The following ADAMTSL1 variants were observed in gnomAD, a reference collection of about 807,000 sequenced individuals.
ADAMTSL1 encodes the protein ADAMTS like 1.
ADAMTSL1 carries 126 observed loss-of-function variants against 201.8 expected under a neutral mutation model. The observed-to-expected ratio is 0.62, with a 90% CI of 0.54 to 0.72. ADAMTSL1 has a LOEUF of 0.72. Ranked by LOEUF, ADAMTSL1 falls within the 30% of genes least tolerant of loss-of-function variation. The pLI is 0.00. For synonymous variants in ADAMTSL1, 1,121 were observed against 903.4 expected (o/e 1.24, Z -4.32); for missense variants, 2,679 against 2,277.8 (o/e 1.18, Z -3.59).
At chr9:18,678,038 A>G (rs561120926) in intron 10 of ADAMTSL1, among the ~76,000 whole-genome samples, 1 of 152,078 alleles carries the variant, frequency 6.6e-6, no homozygotes, top group Non-Finnish European at 1.5e-5. Context: ...AAACACAATT[A>G]ACATATTTTT....
At chr9:18,681,698 G>GTGTGGGGA (rs66675938) in intron 11 of ADAMTSL1, 114 bp from the exon 12 acceptor site, 9 of 323,028 alleles carry the variant, frequency 2.8e-5, no homozygotes, top group Admixed American at 6.5e-5. Flanking sequence ...GTCCTCGTGT[G>GTGTGGGGA]GGGGGGGGGG....
intron 1 of ADAMTSL1, among the ~76,000 whole-genome samples, chr9:17,999,940 T>C (rs1204373554): frequency 1.5e-4 from 23 of 148,638 alleles, no homozygotes; most frequent in African/African-American, 5.6e-4. Flanking sequence ...GAACTCATCA[T>C]TTTTTATGGC....
In ADAMTSL1 at chr9:18,775,888, C is replaced by T; in HGVS notation, c.2543C>T (p.Thr848Ile). 1 of 1,593,772 alleles carries T rather than the reference C, an allele frequency of 6.3e-7. No homozygotes were observed. Among genetic ancestry groups the T allele is most frequent in the Non-Finnish European group, 8.6e-7 (1 of 1,169,280 alleles). The change falls in exon 18 of 29, where the codon ACC becomes ATC. Residue 848 changes from threonine to isoleucine, a missense_variant. By Grantham distance (89) the Thr-to-Ile change is moderately conservative. Transcript: ENST00000380548. ...SSSIRPCMLA[T>I]CARPGRPSTK... ...TCCATCAGGCCCTGTATGCTGGCAA[C>T]CTGTGCAAGTAAGTATGTCAGGGCT... is the stretch of plus-strand genomic sequence containing the variant.
chr9:18,263,517 G>A (rs1352009758), intron 2 of ADAMTSL1, among the ~76,000 whole-genome samples: 1 of 152,152 alleles, frequency 6.6e-6, no homozygotes, highest in Admixed American at 6.5e-5. Context: ...AACGCAGTCA[G>A]TTCAGCTCTC....
At chr9:18,785,837 G>A (rs1821678781) in intron 19 of ADAMTSL1, among the ~76,000 whole-genome samples, 1 of 152,212 alleles carries the variant, frequency 6.6e-6, no homozygotes, top group Non-Finnish European at 1.5e-5. Context: ...CTTCCTTGTA[G>A]AAGAGCCAGA....
At chr9:18,231,931 C>T (rs1830659649) in intron 2 of ADAMTSL1, among the ~76,000 whole-genome samples, 1 of 152,198 alleles carries the variant, frequency 6.6e-6, no homozygotes, top group Non-Finnish European at 1.5e-5. Context: ...GCCAACATCA[C>T]CTCTCCCAGG....
intron 15 of ADAMTSL1, among the ~76,000 whole-genome samples, chr9:18,743,448 G>C (rs1004210217): frequency 1.3e-5 from 2 of 152,166 alleles, no homozygotes; most frequent in Non-Finnish European, 2.9e-5. Flanking sequence ...TTTGACAAGA[G>C]TCATATGTAA....
At chr9:18,492,628 T>TA (rs904095981) in intron 1 of ADAMTSL1, among the ~76,000 whole-genome samples, 4 of 152,156 alleles carry the variant, frequency 2.6e-5, no homozygotes, top group African/African-American at 9.7e-5. Flanking sequence ...CACTTATATT[T>TA]AAAAAAATAA....
chr9:18,706,565 A>G, intron 13 of ADAMTSL1, 182 bp from the exon 14 acceptor site: 1 of 604,190 alleles, frequency 1.7e-6, no homozygotes, highest in East Asian at 2.8e-5. Context: ...CAACCCAGAA[A>G]CAGTGGCAAA....
chr9:18,365,286 G>A (rs1434264346), intron 2 of ADAMTSL1, among the ~76,000 whole-genome samples: 1 of 151,984 alleles, frequency 6.6e-6, no homozygotes, highest in Non-Finnish European at 1.5e-5. Flanking sequence ...AAACATCCAG[G>A]AATAAAAGGG....
chr9:18,512,159 C>G (rs904563690), intron 2 of ADAMTSL1, among the ~76,000 whole-genome samples: 1 of 152,098 alleles, frequency 6.6e-6, no homozygotes, highest in African/African-American at 2.4e-5. Flanking sequence ...AGTTGCCTTC[C>G]TTTTACTTTT....
intron 2 of ADAMTSL1, among the ~76,000 whole-genome samples, chr9:18,350,825 C>T (rs1835934383): frequency 6.6e-6 from 1 of 152,076 alleles, no homozygotes; most frequent in African/African-American, 2.4e-5. Context: ...ATGGAATTGG[C>T]AGGAAAACTT....
At chr9:18,377,126 G>A (rs895416167) in intron 2 of ADAMTSL1, among the ~76,000 whole-genome samples, 2 of 152,120 alleles carry the variant, frequency 1.3e-5, no homozygotes, top group African/African-American at 4.8e-5. Context: ...TTGAGACAAC[G>A]GTTAAGACCA....
intron 2 of ADAMTSL1, among the ~76,000 whole-genome samples, chr9:18,438,369 G>A (rs1465354284): frequency 6.6e-6 from 1 of 152,104 alleles, no homozygotes; most frequent in African/African-American, 2.4e-5. Context: ...TTCAGAGTAG[G>A]GAGCTCGCCT....
intron 25 of ADAMTSL1, among the ~76,000 whole-genome samples, chr9:18,891,269 T>C (rs1253654783): frequency 1.3e-5 from 2 of 152,386 alleles, no homozygotes; most frequent in East Asian, 3.9e-4. Flanking sequence ...GAACAAGTGT[T>C]GCCCTGGTTG....
intron 2 of ADAMTSL1, among the ~76,000 whole-genome samples, chr9:18,250,310 G>T (rs926454486): frequency 6.6e-6 from 1 of 152,162 alleles, no homozygotes. Context: ...TATTTCATGT[G>T]TTCAAATCCA....
At chr9:18,284,620 A>G (rs1434344521) in intron 2 of ADAMTSL1, among the ~76,000 whole-genome samples, 2 of 152,210 alleles carry the variant, frequency 1.3e-5, no homozygotes, top group African/African-American at 2.4e-5. Flanking sequence ...TCACGGCCTC[A>G]AGTAATATGT....
chr9:18,149,965 G>A (rs941001275), intron 1 of ADAMTSL1, among the ~76,000 whole-genome samples: 16 of 152,044 alleles, frequency 1.1e-4, no homozygotes, highest in African/African-American at 3.6e-4. Context: ...GGAGGATGTG[G>A]TACCAGTATG....
At chr9:17,996,327 T>C (rs375773059) in intron 1 of ADAMTSL1, among the ~76,000 whole-genome samples, 99 of 152,206 alleles carry the variant, frequency 6.5e-4, no homozygotes, top group African/African-American at 2.3e-3. Context: ...GTGCTTTTAC[T>C]TCCTTGGCAC....
Sources: gnomAD v4.1 joint callset for allele counts (sites outside exome capture counted in the v4.1 genomes callset) on GRCh38, gnomAD v4.1.1 for gene constraint, MANE v1.5 for transcripts, NCBI Gene and HGNC (gene_info 2026-07-23, HGNC 2026-07-21) for gene names.